SOX5: variants seen among roughly 807,000 people sequenced by gnomAD.
SOX5 encodes SRY-box transcription factor 5.
Under a neutral mutation model 92.0 loss-of-function variants are expected in SOX5, and 9 were observed. The observed-to-expected ratio is 0.10, with a 90% CI of 0.06 to 0.17. SOX5 has a LOEUF of 0.17. Ranked by LOEUF, SOX5 falls within the 10% of genes least tolerant of loss-of-function variation. The probability of loss-of-function intolerance (pLI) is 1.00; values close to 1 mark genes in which losing one functional copy is unlikely to be tolerated. For missense variants in SOX5, 642 were observed against 944.5 expected (o/e 0.68, Z 4.20); for synonymous variants, 344 against 336.3 (o/e 1.02, Z -0.25).
intron 1 of SOX5, among the ~76,000 whole-genome samples, chr12:24,552,709 C>T (rs559804099): frequency 9.2e-5 from 14 of 152,280 alleles, no homozygotes; most frequent in African/African-American, 2.6e-4. Flanking sequence ...ATTTAGAAAT[C>T]GCTTTATAGG....
intron 4 of SOX5, among the ~76,000 whole-genome samples, chr12:24,012,317 A>G (rs1953038054): frequency 6.6e-6 from 1 of 152,180 alleles, no homozygotes; most frequent in Admixed American, 6.5e-5. Context: ...TTTCCAAGTC[A>G]ACATCACAAA....
intron 1 of SOX5, among the ~76,000 whole-genome samples, chr12:24,534,812 G>A (rs1290751426): frequency 6.6e-6 from 1 of 152,240 alleles, no homozygotes; most frequent in Non-Finnish European, 1.5e-5. Context: ...GTGCTCCCAG[G>A]AGTGGGTGGG....
At chr12:23,768,757 C>T (rs747359070) in intron 3 of SOX5, among the ~76,000 whole-genome samples, 25 of 151,866 alleles carry the variant, frequency 1.6e-4, no homozygotes, top group Non-Finnish European at 3.1e-4. Context: ...ACAGGTAAGT[C>T]ATTGCAATAA....
intron 6 of SOX5, among the ~76,000 whole-genome samples, chr12:23,668,497 A>C (rs2084219703): frequency 6.6e-6 from 1 of 152,116 alleles, no homozygotes; most frequent in Non-Finnish European, 1.5e-5. Context: ...CAATATCAAA[A>C]CGATATGTTT....
At chr12:24,268,046 C>A (rs980810636) in intron 3 of SOX5, among the ~76,000 whole-genome samples, 2 of 152,088 alleles carry the variant, frequency 1.3e-5, no homozygotes, top group African/African-American at 4.8e-5. Flanking sequence ...AGTGGCAATA[C>A]CTAGTTCCAA....
rs1270947937 is a variant in SOX5 at position 24,314,379 on chromosome 12, G to C, written c.-173-37067C>G. On this transcript the variant is annotated intron_variant, in intron 2 of 4. Transcript: ENST00000446891. ...AGAGCCTGTTGTGGAGTAGGGGGAG[G>C]GGGGAGGGATAGCATTAAGAGATAT... Among the ~76,000 whole-genome samples, 2 of 133,826 alleles carry C rather than the reference G, an allele frequency of 1.5e-5. 1 individual carries two copies. Among genetic ancestry groups the C allele is most frequent in the Admixed American group, 1.5e-4 (2 of 12,950 alleles). 87.8% of individuals were successfully genotyped at this position (133,826 alleles called of 152,430 possible).
At chr12:23,718,236 T>G (rs887140287) in intron 6 of SOX5, among the ~76,000 whole-genome samples, 1 of 152,174 alleles carries the variant, frequency 6.6e-6, no homozygotes, top group Non-Finnish European at 1.5e-5. Context: ...ATGAAAAAAA[T>G]AAATAAAATG....
chr12:23,872,030 C>T, intron 2 of SOX5, among the ~76,000 whole-genome samples: 1 of 149,674 alleles, frequency 6.7e-6, no homozygotes, highest in East Asian at 2.0e-4. Flanking sequence ...CGGAGTCTTG[C>T]TCTGTCTCCC....
intron 2 of SOX5, among the ~76,000 whole-genome samples, chr12:24,339,163 C>CCACA (rs56243419): frequency 0.16 from 22,095 of 140,250 alleles, 1,719 homozygotes; most frequent in Middle Eastern, 0.21. Context: ...TCTCTCTCTG[C>CCACA]CACACACACA....
rs1264972551 is a variant in SOX5 at position 24,054,744 on chromosome 12, C to T, written c.-2+158599G>A. Among the ~76,000 whole-genome samples the T allele has an allele frequency of 2.0e-5, 3 of 152,164 alleles. No individual in the cohort carries two copies. The East Asian group carries it at 5.8e-4, about 29-fold the overall frequency. ...AATGCAAAGCCAAGCAAAAAGTACC[C>T]AGATTCAACATGCACATTATTAAAT... On this transcript the variant is annotated intron_variant, in intron 4 of 4. Coordinates refer to the SOX5 transcript ENST00000446891.
chr12:24,281,712 G>C (rs930297817), intron 2 of SOX5, among the ~76,000 whole-genome samples: 6 of 152,162 alleles, frequency 3.9e-5, no homozygotes, highest in Admixed American at 3.9e-4. Context: ...AAGGTAAATG[G>C]CAAGAAACTT....
chr12:23,593,665 T>C (rs1951895538), intron 9 of SOX5, among the ~76,000 whole-genome samples: 1 of 152,190 alleles, frequency 6.6e-6, no homozygotes, highest in Non-Finnish European at 1.5e-5. Flanking sequence ...TTTAAGAAAG[T>C]ACATGTTTAA....
At chr12:23,564,849 G>T (rs931915620) in intron 10 of SOX5, among the ~76,000 whole-genome samples, 2 of 152,078 alleles carry the variant, frequency 1.3e-5, no homozygotes, top group African/African-American at 4.8e-5. Context: ...TCTGCTGATT[G>T]CCAAAAAACA....
intron 4 of SOX5, among the ~76,000 whole-genome samples, chr12:23,970,963 A>G (rs1948256675): frequency 6.8e-6 from 1 of 147,398 alleles, no homozygotes; most frequent in Non-Finnish European, 1.5e-5. Flanking sequence ...CACAATGGTA[A>G]TAGTATATTT....
At chr12:24,532,752 T>C (rs1951303413) in intron 1 of SOX5, among the ~76,000 whole-genome samples, 1 of 152,260 alleles carries the variant, frequency 6.6e-6, no homozygotes, top group South Asian at 2.1e-4. Flanking sequence ...CCATTTTCTA[T>C]ATGCTTCTAA....
intron 1 of SOX5, among the ~76,000 whole-genome samples, chr12:23,898,448 C>A (rs2097198989): frequency 6.6e-6 from 1 of 152,136 alleles, no homozygotes; most frequent in African/African-American, 2.4e-5. Flanking sequence ...ATCAGCTAGC[C>A]TTTCCTAAGT....
intron 1 of SOX5, among the ~76,000 whole-genome samples, chr12:23,940,196 A>T (rs2139504783): frequency 6.6e-6 from 1 of 151,408 alleles, no homozygotes; most frequent in African/African-American, 2.4e-5. Flanking sequence ...CAGAATAGTG[A>T]TCTGATGCCT....
chr12:24,189,537 C>T (rs566668822), intron 4 of SOX5, among the ~76,000 whole-genome samples: 1 of 152,126 alleles, frequency 6.6e-6, no homozygotes, highest in Non-Finnish European at 1.5e-5. Context: ...TAAGTCTCAT[C>T]TGGGAGGTCT....
At chr12:23,611,404 A>C (rs1592562667) in intron 8 of SOX5, among the ~76,000 whole-genome samples, 1 of 151,176 alleles carries the variant, frequency 6.6e-6, no homozygotes. Context: ...GTATTTATAC[A>C]TATATCTCAC....
Sources: allele counts gnomAD v4.1 joint callset (sites outside exome capture counted in the v4.1 genomes callset), GRCh38; gene constraint gnomAD v4.1.1; transcripts MANE v1.5; gene names NCBI Gene and HGNC (gene_info 2026-07-23, HGNC 2026-07-21).